The following TENM3 variants were observed in gnomAD, a reference collection of about 807,000 sequenced individuals.
The protein encoded by TENM3 is teneurin transmembrane protein 3.
A neutral mutation model predicts 255.1 loss-of-function variants in TENM3; 63 were observed. That is an observed-to-expected ratio of 0.25 (90% CI 0.20 to 0.30). The LOEUF (loss-of-function observed/expected upper bound fraction) is 0.30, where lower values mean the gene tolerates loss of function less well. Ranked by LOEUF, TENM3 falls within the 10% of genes least tolerant of loss-of-function variation. TENM3 has a pLI of 1.00. For missense variants in TENM3, 2,929 were observed against 3,461.1 expected (o/e 0.85, Z 3.86); for synonymous variants, 1,306 against 1,322.3 (o/e 0.99, Z 0.27).
the TENM3 span, among the ~76,000 whole-genome samples, chr4:181,480,437 A>G: frequency 3.3e-5 from 5 of 152,152 alleles, no homozygotes; most frequent in Non-Finnish European, 7.4e-5. Flanking sequence ...GACACTTGTT[A>G]TCAACGTTTG....
At chr4:182,021,766 G>A in the TENM3 span, among the ~76,000 whole-genome samples, 6 of 152,000 alleles carry the variant, frequency 3.9e-5, no homozygotes, top group African/African-American at 9.7e-5. Flanking sequence ...GTAGGAAAAT[G>A]TAATATCAAA....
intron 22 of TENM3, among the ~76,000 whole-genome samples, chr4:182,759,854 G>A (rs1341228565): frequency 1.3e-5 from 2 of 152,136 alleles, no homozygotes; most frequent in Non-Finnish European, 2.9e-5. Context: ...TCTGCTTCTT[G>A]GCGGCAGTTT....
chr4:182,177,117 G>A (rs951729293), intron 1 of TENM3, among the ~76,000 whole-genome samples: 2 of 151,954 alleles, frequency 1.3e-5, no homozygotes, highest in African/African-American at 4.8e-5. Flanking sequence ...ACCCACATGG[G>A]GACCCGCACG....
chr4:182,112,477 T>G, the TENM3 span, among the ~76,000 whole-genome samples: 1 of 152,208 alleles, frequency 6.6e-6, no homozygotes, highest in South Asian at 2.1e-4. Flanking sequence ...AAGTTAACAC[T>G]AGTTTATAAG....
intron 1 of TENM3, among the ~76,000 whole-genome samples, chr4:182,223,380 T>G (rs1755957055): frequency 1.3e-5 from 2 of 152,030 alleles, no homozygotes; most frequent in African/African-American, 2.4e-5. Flanking sequence ...ATATACCACT[T>G]TTAATAACAT....
the TENM3 span, among the ~76,000 whole-genome samples, chr4:181,719,685 T>A: frequency 6.6e-6 from 1 of 152,104 alleles, no homozygotes; most frequent in Non-Finnish European, 1.5e-5. Flanking sequence ...ACATATGAAT[T>A]TGGGGGGATT....
chr4:181,766,168 C>T, the TENM3 span, among the ~76,000 whole-genome samples: 1 of 152,128 alleles, frequency 6.6e-6, no homozygotes, highest in Non-Finnish European at 1.5e-5. Flanking sequence ...ACTTCCTCAT[C>T]ACGAAGTACT....
intron 1 of TENM3, among the ~76,000 whole-genome samples, chr4:182,161,652 TAC>T (rs1168624045): frequency 7.9e-5 from 6 of 75,582 alleles, no homozygotes; most frequent in African/African-American, 2.7e-4. Flanking sequence ...TATATATATA[TAC>T]ACACACACAA....
At chr4:181,496,528 CAAT>C in the TENM3 span, among the ~76,000 whole-genome samples, 4 of 152,236 alleles carry the variant, frequency 2.6e-5, no homozygotes, top group African/African-American at 9.6e-5. Context: ...TCCTTATTTA[CAAT>C]GTTTCTTGCC....
chr4:182,716,662 A>G (rs1003690056), intron 13 of TENM3, among the ~76,000 whole-genome samples: 11 of 152,198 alleles, frequency 7.2e-5, no homozygotes, highest in African/African-American at 2.7e-4. Flanking sequence ...TATTTTCCAC[A>G]CCAAACCCCA....
At chr4:182,369,865 G>C (rs575267477) in intron 3 of TENM3, among the ~76,000 whole-genome samples, 73 of 152,210 alleles carry the variant, frequency 4.8e-4, no homozygotes, top group African/African-American at 1.7e-3. Context: ...GTGACAGAGT[G>C]AAACTCTGTC....
intron 3 of TENM3, among the ~76,000 whole-genome samples, chr4:182,561,718 T>C (rs1195697728): frequency 6.6e-6 from 1 of 152,038 alleles, no homozygotes. Context: ...AGAATAGTTA[T>C]GTAAGGGATT....
the TENM3 span, among the ~76,000 whole-genome samples, chr4:181,611,590 TC>T: frequency 6.6e-6 from 1 of 152,206 alleles, no homozygotes; most frequent in Non-Finnish European, 1.5e-5. Context: ...GTTTGGTAAC[TC>T]TTTTTCCTCC....
At chr4:181,823,985 A>T in the TENM3 span, among the ~76,000 whole-genome samples, 1 of 152,184 alleles carries the variant, frequency 6.6e-6, no homozygotes, top group African/African-American at 2.4e-5. Flanking sequence ...TCATTTTAAA[A>T]ATTGGTGCAT....
chr4:182,744,093 C>CTTTTTTTTTTTTTTTTTTTTTTTT (rs957977132), intron 19 of TENM3: 7 of 389,974 alleles, frequency 1.8e-5, no homozygotes, highest in Admixed American at 1.2e-4. Context: ...ACTGTGCTTT[C>CTTTTTTTTTTTTTTTTTTTTTTTT]TTTTTTTTTT....
In TENM3 at chr4:182,688,269, C is replaced by T. The variant is rs745320821; in HGVS notation, c.2139C>T (p.His713=). Residue 713 remains histidine (H), a synonymous_variant, in exon 12 of 28, where the codon CAC becomes CAT. Coordinates refer to ENST00000511685, the MANE Select transcript of TENM3 (RefSeq NM_001080477.4). ...CAGCCTGTAATCAGAGAGCCTGCCA[C>T]CCCCGCTGTGCCGAGCACGGGACCT... The part of the protein sequence containing the change: ...TGPACNQRAC[H]PRCAEHGTCK... The T allele has an allele frequency of 1.2e-6, 2 of 1,613,926 alleles. No individual in the cohort carries two copies. The highest frequency in any genetic ancestry group is 1.1e-5 in the South Asian group (1 of 91,076).
chr4:181,695,957 CA>C, the TENM3 span, among the ~76,000 whole-genome samples: 1 of 151,572 alleles, frequency 6.6e-6, no homozygotes, highest in Non-Finnish European at 1.5e-5. Flanking sequence ...GGTAAAACAG[CA>C]CTTCCATGCA....
At chr4:182,557,557 G>A (rs2151956524) in intron 3 of TENM3, among the ~76,000 whole-genome samples, 1 of 152,260 alleles carries the variant, frequency 6.6e-6, no homozygotes, top group South Asian at 2.1e-4. Context: ...CAATCCATGT[G>A]CTAATGGTCT....
chr4:182,721,853 A>C lies in TENM3; in HGVS notation c.2369-7112A>C, dbSNP rs147618448. Among the ~76,000 whole-genome samples, 476 of 151,738 alleles carry C rather than the reference A, an allele frequency of 3.1e-3. 4 individuals carry two copies. Among genetic ancestry groups the C allele is most frequent in the African/African-American group, 0.011 (457 of 41,430 alleles). On this transcript the variant is annotated intron_variant, in intron 13 of 27. Coordinates refer to ENST00000511685, the MANE Select transcript of TENM3 (RefSeq NM_001080477.4). ...AGTTAGATTGATGATCTTTATATTT[A>C]TTTCTTTTTTTGCTAATTGCTTATT...
Sources: allele counts gnomAD v4.1 joint callset (sites outside exome capture counted in the v4.1 genomes callset), GRCh38; gene constraint gnomAD v4.1.1; transcripts MANE v1.5; gene names NCBI Gene and HGNC (gene_info 2026-07-23, HGNC 2026-07-21).